The following GLRA1 variants were observed in gnomAD, a reference collection of about 807,000 sequenced individuals.
GLRA1 encodes the protein glycine receptor subunit alpha-1.
A neutral mutation model predicts 48.3 loss-of-function variants in GLRA1; 37 were observed. That is an observed-to-expected ratio of 0.77 (90% CI 0.59 to 1.01). GLRA1 has a LOEUF of 1.01. Ranked by LOEUF, GLRA1 falls within the 50% of genes least tolerant of loss-of-function variation. GLRA1 has a pLI of 0.00. For synonymous variants in GLRA1, 196 were observed against 210.7 expected, an observed-to-expected ratio of 0.93 and a Z score of 0.60; for missense variants, 427 against 571.0, an observed-to-expected ratio of 0.75 and a Z score of 2.57.
intron 1 of GLRA1, among the ~76,000 whole-genome samples, chr5:151,901,233 C>CTA (rs1754359676): frequency 1.3e-5 from 2 of 152,166 alleles, no homozygotes; most frequent in African/African-American, 4.8e-5. Context: ...TATAATGCTA[C>CTA]CACAACCATC....
intron 7 of GLRA1, among the ~76,000 whole-genome samples, chr5:151,843,303 C>T (rs973029996): frequency 6.7e-6 from 1 of 148,946 alleles, no homozygotes; most frequent in African/African-American, 2.5e-5. Context: ...CTCTCTCTCC[C>T]AGGCTGGAGT....
intron 7 of GLRA1, chr5:151,850,380 G>T (rs1411828067): frequency 7.5e-7 from 1 of 1,324,974 alleles, no homozygotes; most frequent in Non-Finnish European, 1.1e-6. Context: ...TGGAGTGATA[G>T]CAACCTTTGA....
At chr5:151,894,525 A>T (rs1001482045) in intron 1 of GLRA1, among the ~76,000 whole-genome samples, 3 of 152,096 alleles carry the variant, frequency 2.0e-5, no homozygotes, top group African/African-American at 7.2e-5. Context: ...CCTCAGAGCC[A>T]TCTTGTCTTC....
In GLRA1 at chr5:151,862,741, G is replaced by GTTTA. The variant is rs372157825; in HGVS notation, c.253-2737_253-2734dup. Reference sequence around the variant, plus strand: ...CATCTCAAGAAGGGAATAGAATATGGTTTATTTTGGCCATGGAATTCTTAT... The same window carrying GTTTA: ...CATCTCAAGAAGGGAATAGAATATGGTTTATTTATTTTGGCCATGGAATTCTTAT... On this transcript the variant is annotated intron_variant, in intron 3 of 8. Transcript: ENST00000274576. Among the ~76,000 whole-genome samples the GTTTA allele has an allele frequency of 4.2e-3, 641 of 152,316 alleles. 8 individuals carry two copies. Among genetic ancestry groups the GTTTA allele is most frequent in the African/African-American group, 0.015 (628 of 41,558 alleles).
intron 7 of GLRA1, chr5:151,850,360 G>A: frequency 7.1e-7 from 1 of 1,411,078 alleles, no homozygotes; most frequent in Non-Finnish European, 1.0e-6. Context: ...CATCATGTAT[G>A]TGAAGACTTT....
At chr5:151,877,507 A>G (rs181119055) in intron 3 of GLRA1, among the ~76,000 whole-genome samples, 32 of 152,290 alleles carry the variant, frequency 2.1e-4, no homozygotes, top group African/African-American at 7.5e-4. Context: ...TAACAAAAAC[A>G]AAAACAAAAA....
At chr5:151,914,110 AT>A (rs1334788287) in intron 1 of GLRA1, among the ~76,000 whole-genome samples, 4 of 152,242 alleles carry the variant, frequency 2.6e-5, no homozygotes, top group African/African-American at 9.6e-5. Flanking sequence ...CAGCAGGTCT[AT>A]TTTAAGAGTT....
chr5:151,825,982 C>A (rs931348728), intron 8 of GLRA1, among the ~76,000 whole-genome samples: 1 of 152,218 alleles, frequency 6.6e-6, no homozygotes, highest in African/African-American at 2.4e-5. Context: ...GGTGAGCTCA[C>A]TTCTGCATCA....
chr5:151,903,006 G>A lies in GLRA1; in HGVS notation c.57-10568C>T, dbSNP rs150219777. 9.9e-3 allele frequency among the ~76,000 whole-genome samples: 1,504 copies of A among 152,222 alleles called. 27 individuals carry two copies. Among genetic ancestry groups the A allele is most frequent in the African/African-American group, 0.034 (1,423 of 41,532 alleles). On this transcript the variant is annotated intron_variant, in intron 1 of 8. Transcript: ENST00000274576. ...TGTGAGAACAAATAAGTGCTTTAAT[G>A]TCCAAAGCCATTAGAAAAAACATAT...
At chr5:151,868,098 T>C (rs1561563730) in intron 3 of GLRA1, among the ~76,000 whole-genome samples, 1 of 152,198 alleles carries the variant, frequency 6.6e-6, no homozygotes, top group African/African-American at 2.4e-5. Context: ...ATCATTCTTA[T>C]CATCATGATT....
At chr5:151,873,840 G>A (rs1021877731) in intron 3 of GLRA1, among the ~76,000 whole-genome samples, 19 of 152,140 alleles carry the variant, frequency 1.2e-4, no homozygotes, top group African/African-American at 3.6e-4. Flanking sequence ...TGTTATTTTA[G>A]ATTCAGGGGG....
chr5:151,844,148 T>A (rs1197558434), intron 7 of GLRA1, among the ~76,000 whole-genome samples: 1 of 148,986 alleles, frequency 6.7e-6, no homozygotes, highest in Non-Finnish European at 1.5e-5. Flanking sequence ...CTAGCCTGGG[T>A]GACAGAGTGA....
chr5:151,891,489 T>C (rs1754067706), intron 2 of GLRA1, among the ~76,000 whole-genome samples: 1 of 152,164 alleles, frequency 6.6e-6, no homozygotes, highest in Non-Finnish European at 1.5e-5. Context: ...CTGGCTCTTC[T>C]TGGAATACTT....
intron 1 of GLRA1, among the ~76,000 whole-genome samples, chr5:151,905,386 A>G (rs1754451451): frequency 6.6e-6 from 1 of 151,912 alleles, no homozygotes; most frequent in Non-Finnish European, 1.5e-5. Flanking sequence ...TTCTATTGCT[A>G]TTAAATCTTT....
chr5:151,884,892 A>C (rs1753856179), intron 3 of GLRA1, among the ~76,000 whole-genome samples: 1 of 152,226 alleles, frequency 6.6e-6, no homozygotes, highest in South Asian at 2.1e-4. Context: ...GGGGAAGAAA[A>C]GCAGAGGGGC....
chr5:151,923,824 A>G (rs1754937631), intron 1 of GLRA1, among the ~76,000 whole-genome samples: 1 of 152,162 alleles, frequency 6.6e-6, no homozygotes, highest in African/African-American at 2.4e-5. Flanking sequence ...AGAGGCAGTC[A>G]AAGTTTCAAA....
chr5:151,828,784 C>G, intron 8 of GLRA1, 137 bp downstream of exon 8: 1 of 915,380 alleles, frequency 1.1e-6, no homozygotes, highest in Non-Finnish European at 1.7e-6. Flanking sequence ...ACCTCTAGGT[C>G]TTTAATTCCT....
chr5:151,822,708 T>G lies in GLRA1; in HGVS notation c.1315A>C (p.Lys439Gln), dbSNP rs1050028851. The change falls in exon 9 of 9, where the codon AAG (lysine) becomes CAG (glutamine). Residue 439 changes from lysine to glutamine, a missense_variant. This residue lies in a region of GLRA1 where 121 missense variants were observed against 96.5 expected (regional missense o/e 1.25). Transcript: ENST00000274576. ...IFNMFYWIIY[K>Q]IVRREDVHNQ ...TGGACGTCCTCTCTACGGACAATCT[T>G]GTAGATGATCCAGTAGAACATGTTG... 3 of 1,613,728 alleles carry G rather than the reference T, an allele frequency of 1.9e-6. No individual in the cohort carries two copies. The highest frequency in any genetic ancestry group is 3.3e-5 in the Admixed American group (2 of 60,002).
intron 1 of GLRA1, among the ~76,000 whole-genome samples, chr5:151,898,608 A>C (rs1754282043): frequency 3.9e-5 from 6 of 152,066 alleles, no homozygotes; most frequent in Admixed American, 3.9e-4. Context: ...GGAGGTCAGG[A>C]TGGAAAAGGG....
Sources: allele counts gnomAD v4.1 joint callset (sites outside exome capture counted in the v4.1 genomes callset), GRCh38; gene constraint gnomAD v4.1.1; regional missense constraint gnomAD v4.1.1; transcripts MANE v1.5; gene names NCBI Gene and HGNC (gene_info 2026-07-23, HGNC 2026-07-21).